The following CADPS2 variants were observed in gnomAD, a reference collection of about 807,000 sequenced individuals.
CADPS2 encodes the protein calcium dependent secretion activator 2.
In CADPS2, 93 loss-of-function variants were observed where a neutral mutation model predicts 172.5. The observed-to-expected ratio is 0.54, with a 90% confidence interval of 0.46 to 0.64. The LOEUF is 0.64. Ranked by LOEUF, CADPS2 falls within the 30% of genes least tolerant of loss-of-function variation. CADPS2 has a pLI of 0.00. For missense variants in CADPS2, 1,420 were observed against 1,565.9 expected, an observed-to-expected ratio of 0.91 and a Z score of 1.57; for synonymous variants, 546 against 555.2, an observed-to-expected ratio of 0.98 and a Z score of 0.23.
intron 7 of CADPS2, among the ~76,000 whole-genome samples, chr7:122,579,450 AATATATATATATAT>A (rs3034498): frequency 2.3e-5 from 3 of 128,668 alleles, no homozygotes; most frequent in South Asian, 2.6e-4. Flanking sequence ...AATTGCATCG[AATATATATATATAT>A]ATATATATAT....
intron 6 of CADPS2, among the ~76,000 whole-genome samples, chr7:122,588,547 A>T (rs113537893): frequency 2.0e-5 from 3 of 152,012 alleles, no homozygotes; most frequent in Admixed American, 1.3e-4. Flanking sequence ...AAATTTAGCC[A>T]TTTTAAGATT....
chr7:122,640,484 CACACACAG>C (rs1466122344), intron 3 of CADPS2, among the ~76,000 whole-genome samples: 1 of 143,300 alleles, frequency 7.0e-6, no homozygotes, highest in Non-Finnish European at 1.6e-5. Flanking sequence ...CACACACACA[CACACACAG>C]AGATAGAGAG....
At chr7:122,572,011 G>T (rs2067333717) in intron 7 of CADPS2, among the ~76,000 whole-genome samples, 1 of 152,060 alleles carries the variant, frequency 6.6e-6, no homozygotes, top group Non-Finnish European at 1.5e-5. Flanking sequence ...TTATATTGGG[G>T]ATTTAAGAAT....
At chr7:122,882,839 G>T (rs2141799994) in intron 1 of CADPS2, among the ~76,000 whole-genome samples, 1 of 152,190 alleles carries the variant, frequency 6.6e-6, no homozygotes, top group South Asian at 2.1e-4. Flanking sequence ...AGAGGCTCAA[G>T]CACTATCACT....
chr7:122,571,980 C>T (rs548826691), intron 7 of CADPS2, among the ~76,000 whole-genome samples: 18 of 152,146 alleles, frequency 1.2e-4, no homozygotes, highest in South Asian at 8.3e-4. Context: ...TAGGCCTTTC[C>T]TTAACTCTCA....
chr7:122,638,753 T>C (rs2077315330), intron 3 of CADPS2, among the ~76,000 whole-genome samples: 1 of 152,210 alleles, frequency 6.6e-6, no homozygotes, highest in African/African-American at 2.4e-5. Context: ...ATTCTATCCC[T>C]GTGTTGAGGA....
chr7:122,566,278 G>A (rs757857810), intron 7 of CADPS2, among the ~76,000 whole-genome samples: 10 of 152,102 alleles, frequency 6.6e-5, no homozygotes, highest in Non-Finnish European at 1.3e-4. Flanking sequence ...GCATTGGTGA[G>A]GATGTGGGGG....
chr7:122,730,691 G>A (rs1373335285), intron 2 of CADPS2, among the ~76,000 whole-genome samples: 3 of 151,554 alleles, frequency 2.0e-5, no homozygotes, highest in Non-Finnish European at 3.0e-5. Flanking sequence ...TGTAAAAGGA[G>A]TTGCTATAGC....
chr7:122,874,770 A>C (rs1187293710), intron 1 of CADPS2, among the ~76,000 whole-genome samples: 2 of 152,336 alleles, frequency 1.3e-5, no homozygotes, highest in African/African-American at 4.8e-5. Context: ...TGACAAAAAC[A>C]AGCAATGGAG....
At chr7:122,706,646 A>G (rs2087568399) in intron 2 of CADPS2, among the ~76,000 whole-genome samples, 1 of 147,678 alleles carries the variant, frequency 6.8e-6, no homozygotes, top group African/African-American at 2.5e-5. Flanking sequence ...ATATAGTTAC[A>G]TGCTCTTAAC....
intron 23 of CADPS2, 47 bp from the exon 24 acceptor site, chr7:122,387,220 C>T: frequency 6.5e-7 from 1 of 1,532,150 alleles, no homozygotes; most frequent in African/African-American, 1.4e-5. Flanking sequence ...TGCTATACAG[C>T]TCACCTGTTT....
chr7:122,383,473 C>T (rs957870394), intron 24 of CADPS2, among the ~76,000 whole-genome samples: 4 of 152,048 alleles, frequency 2.6e-5, no homozygotes, highest in African/African-American at 7.2e-5. Context: ...TAAAATTCTT[C>T]GAATACTTCA....
rs1334883848 is a variant in CADPS2, at chr7:122,886,011, C to G, written c.327G>C (p.Arg109=). The part of the protein sequence containing the change: ...FNAKQPTDMA[R]RQQKLNKQQL... The stretch of plus-strand genomic sequence containing the variant: ...TCCCGCAACTCACCTTCTGCTGCCT[C>G]CGGGCCATGTCGGTGGGCTGCTTGG... Residue 109 remains arginine (R), a synonymous_variant, in exon 1 of 30, where the codon CGG becomes CGC. Coordinates refer to ENST00000449022, the MANE Select transcript of CADPS2 (RefSeq NM_017954.11). 1 of 1,607,396 alleles carries G rather than the reference C, an allele frequency of 6.2e-7. No individual in the cohort carries two copies. Among genetic ancestry groups the G allele is most frequent in the Non-Finnish European group, 8.5e-7 (1 of 1,177,396 alleles).
intron 4 of CADPS2, among the ~76,000 whole-genome samples, chr7:122,623,813 A>C (rs1224186787): frequency 6.6e-6 from 1 of 152,226 alleles, no homozygotes; most frequent in Non-Finnish European, 1.5e-5. Context: ...GAGTTTAACA[A>C]AGAAAAAGGC....
intron 7 of CADPS2, among the ~76,000 whole-genome samples, chr7:122,568,927 T>C (rs529691746): frequency 5.3e-5 from 8 of 152,190 alleles, no homozygotes; most frequent in Admixed American, 2.0e-4. Context: ...CAATATCATA[T>C]TGAATGGGCA....
chr7:122,503,070 C>T (rs1167246411), intron 9 of CADPS2, among the ~76,000 whole-genome samples: 3 of 145,466 alleles, frequency 2.1e-5, no homozygotes, highest in African/African-American at 5.1e-5. Flanking sequence ...CTCGCTCTGT[C>T]GCCCAGGCTG....
intron 2 of CADPS2, among the ~76,000 whole-genome samples, chr7:122,675,235 G>A (rs2082268259): frequency 1.3e-5 from 2 of 152,176 alleles, no homozygotes; most frequent in South Asian, 4.1e-4. Flanking sequence ...GGAGTCCTCT[G>A]TGGTGACACC....
intron 1 of CADPS2, among the ~76,000 whole-genome samples, chr7:122,883,973 G>A (rs998995871): frequency 1.3e-5 from 2 of 152,018 alleles, no homozygotes; most frequent in African/African-American, 4.8e-5. Context: ...AAATAATTTT[G>A]AACAAATATT....
intron 3 of CADPS2, among the ~76,000 whole-genome samples, chr7:122,645,502 GTATATATATACTTATATATATATAAGTA>G (rs1324734946): frequency 2.8e-3 from 286 of 100,940 alleles, no homozygotes; most frequent in Non-Finnish European, 3.7e-3. Flanking sequence ...ATATATATAA[GTATATATATACTTATATATATATAAGTA>G]TATATATATA....
Sources: allele counts gnomAD v4.1 joint callset (sites outside exome capture counted in the v4.1 genomes callset), GRCh38; gene constraint gnomAD v4.1.1; transcripts MANE v1.5; gene names NCBI Gene and HGNC (gene_info 2026-07-23, HGNC 2026-07-21).